Variants in RXFP1 observed in about 807,000 individuals in gnomAD.
RXFP1 encodes the protein relaxin receptor 1.
A neutral mutation model predicts 89.8 loss-of-function variants in RXFP1; 73 were observed. The observed-to-expected ratio is 0.81, with a 90% CI of 0.67 to 0.99. The LOEUF (loss-of-function observed/expected upper bound fraction) is 0.99, where lower values mean the gene tolerates loss of function less well. Among genes scored for constraint, RXFP1 ranks in the 50% least tolerant of loss-of-function variants. The probability of loss-of-function intolerance (pLI) is 0.00; values close to 1 mark genes in which losing one functional copy is unlikely to be tolerated. For synonymous variants in RXFP1, 277 were observed against 305.5 expected (o/e 0.91, Z 0.97); for missense variants, 793 against 895.5 (o/e 0.89, Z 1.46).
intron 2 of RXFP1, among the ~76,000 whole-genome samples, chr4:158,591,698 G>A (rs1051750576): frequency 2.0e-5 from 3 of 152,106 alleles, no homozygotes; most frequent in African/African-American, 7.2e-5. Context: ...GCAGTGAGCT[G>A]AGATTGCACC....
chr4:158,582,849 C>T (rs988060009), intron 2 of RXFP1, among the ~76,000 whole-genome samples: 1 of 152,226 alleles, frequency 6.6e-6, no homozygotes, highest in African/African-American at 2.4e-5. Context: ...CCTCCACTCT[C>T]TCTGGTGCAA....
chr4:158,535,344 C>A (rs372323098), intron 1 of RXFP1, among the ~76,000 whole-genome samples: 6 of 152,146 alleles, frequency 3.9e-5, no homozygotes, highest in African/African-American at 1.4e-4. Context: ...TAATTCAAAT[C>A]GAGGTTTTGT....
At chr4:158,611,923 GAATA>G (rs1158148686) in intron 6 of RXFP1, among the ~76,000 whole-genome samples, 6 of 152,270 alleles carry the variant, frequency 3.9e-5, no homozygotes, top group Admixed American at 1.3e-4. Flanking sequence ...ATAGATGAAT[GAATA>G]GATTGATTAA....
intron 5 of RXFP1, 23 bp from the exon 6 acceptor site, chr4:158,607,949 C>G: frequency 6.8e-7 from 1 of 1,474,262 alleles, no homozygotes; most frequent in Non-Finnish European, 9.2e-7. Context: ...ATTTTTTTTT[C>G]TTTTTAATAA....
intron 1 of RXFP1, among the ~76,000 whole-genome samples, chr4:158,523,182 G>A (rs755128148): frequency 1.4e-4 from 21 of 152,146 alleles, no homozygotes; most frequent in Non-Finnish European, 4.4e-5. Context: ...CATAAAAAAT[G>A]TAATGTTTCT....
At chr4:158,625,247 T>A (rs950639605) in intron 9 of RXFP1, among the ~76,000 whole-genome samples, 35 of 152,192 alleles carry the variant, frequency 2.3e-4, no homozygotes, top group Admixed American at 2.3e-3. Context: ...CTTAATAGAA[T>A]AACAGAAATT....
intron 14 of RXFP1, among the ~76,000 whole-genome samples, chr4:158,640,723 T>C (rs559474741): frequency 6.6e-6 from 1 of 152,162 alleles, no homozygotes; most frequent in Non-Finnish European, 1.5e-5. Flanking sequence ...ATATCCAAAC[T>C]ATATCACATG....
chr4:158,623,502 C>CAAAAAAAAAAAAAAAAAAAA (rs56692438), intron 9 of RXFP1, among the ~76,000 whole-genome samples: 31 of 42,636 alleles, frequency 7.3e-4, no homozygotes, highest in African/African-American at 1.0e-3. Flanking sequence ...AACTCCATCT[C>CAAAAAAAAAAAAAAAAAAAA]AAAAAAAAAA....
intron 1 of RXFP1, among the ~76,000 whole-genome samples, chr4:158,560,307 C>A (rs183744956): frequency 6.6e-6 from 1 of 152,318 alleles, no homozygotes; most frequent in East Asian, 1.9e-4. Flanking sequence ...ATCAGCCCAA[C>A]AGGGACCACT....
chr4:158,587,496 A>G (rs914189561), intron 2 of RXFP1, among the ~76,000 whole-genome samples: 1 of 152,204 alleles, frequency 6.6e-6, no homozygotes, highest in African/African-American at 2.4e-5. Flanking sequence ...CACAATACTG[A>G]TGTAAGAGCC....
intron 13 of RXFP1, 51 bp downstream of exon 13, chr4:158,638,130 AC>A (rs772729951): frequency 1.0e-6 from 1 of 994,456 alleles, no homozygotes; most frequent in South Asian, 1.5e-5. Context: ...TTTTTTAAAT[AC>A]TAACAATGTA....
chr4:158,545,153 G>C (rs1329457766), intron 1 of RXFP1, among the ~76,000 whole-genome samples: 4 of 151,638 alleles, frequency 2.6e-5, no homozygotes, highest in Non-Finnish European at 5.9e-5. Flanking sequence ...ACTGGTGTGA[G>C]ATGGTATCTC....
chr4:158,646,305 T>C (rs908693737), intron 15 of RXFP1: 3 of 462,390 alleles, frequency 6.5e-6, no homozygotes, highest in African/African-American at 6.0e-5. Flanking sequence ...AATTATAGGC[T>C]TCAGAATTCA....
chr4:158,532,335 G>A (rs1205664336), intron 1 of RXFP1, among the ~76,000 whole-genome samples: 3 of 151,928 alleles, frequency 2.0e-5, no homozygotes, highest in Non-Finnish European at 4.4e-5. Context: ...TACCATTGGT[G>A]GGCATCTAGA....
At chr4:158,578,668 G>T (rs1004851592) in intron 2 of RXFP1, among the ~76,000 whole-genome samples, 1 of 152,020 alleles carries the variant, frequency 6.6e-6, no homozygotes, top group Non-Finnish European at 1.5e-5. Context: ...CTAAATAAGG[G>T]CTCCCCCTCA....
chr4:158,626,148 A>ATAGATAGT (rs1554019532), intron 9 of RXFP1, among the ~76,000 whole-genome samples: 3,458 of 149,726 alleles, frequency 0.023, 88 homozygotes, highest in African/African-American at 0.042. Flanking sequence ...AGATAGATAG[A>ATAGATAGT]TAGATAGATA....
chr4:158,600,713 A>T (rs559134015), intron 4 of RXFP1, among the ~76,000 whole-genome samples: 1 of 152,132 alleles, frequency 6.6e-6, no homozygotes, highest in Non-Finnish European at 1.5e-5. Context: ...CTGTAGTCTC[A>T]GCTACTTGGA....
In RXFP1 at chr4:158,527,564, A is replaced by AATATATATATATATATATATAT. The variant is rs1553989424; in HGVS notation, c.49+5553_49+5554insATATATATATATATATATATAT. 1.2e-3 allele frequency among the ~76,000 whole-genome samples: 116 copies of AATATATATATATATATATATAT among 98,302 alleles called. 1 individual carries two copies. Among genetic ancestry groups the AATATATATATATATATATATAT allele is most frequent in the African/African-American group, 3.9e-3 (112 of 28,510 alleles). The allele number at this position is 98,302 out of a possible 152,430, so 64.5% of individuals were successfully genotyped here. ...ATCTCCCCCGCTCCAAAAAAAAAAAAATATATATATATATGTATATATATA... is the reference window on the plus strand; with the variant it reads ...ATCTCCCCCGCTCCAAAAAAAAAAAAATATATATATATATATATATATATATATATATATATGTATATATATA... On this transcript the variant is annotated intron_variant, in intron 1 of 17. Transcript: ENST00000307765.
intron 9 of RXFP1, among the ~76,000 whole-genome samples, chr4:158,622,168 G>T (rs576974426): frequency 1.3e-5 from 2 of 152,046 alleles, no homozygotes; most frequent in African/African-American, 4.8e-5. Context: ...AAAATTAGCC[G>T]GGCATGGTGG....
Sources: allele counts gnomAD v4.1 joint callset (sites outside exome capture counted in the v4.1 genomes callset), GRCh38; gene constraint gnomAD v4.1.1; transcripts MANE v1.5; gene names NCBI Gene and HGNC (gene_info 2026-07-23, HGNC 2026-07-21).